Variants in FAM107A observed in about 807,000 individuals in gnomAD.
FAM107A encodes family with sequence similarity 107 member A, also known as actin-associated protein FAM107A.
A neutral mutation model predicts 13.7 loss-of-function variants in FAM107A; 19 were observed. The ratio of observed to expected loss-of-function variants is 1.38; its 90% CI spans 0.97 to 2.03. The LOEUF is 2.03. FAM107A is among the 30% of genes most tolerant of loss of function. FAM107A has a pLI of 0.00. For synonymous variants in FAM107A, 82 were observed against 74.5 expected, an observed-to-expected ratio of 1.10 and a Z score of -0.52; for missense variants, 203 against 184.4, an observed-to-expected ratio of 1.10 and a Z score of -0.58.
Position 58,566,515 on chromosome 3 carries a change from C to A in FAM107A, c.*73G>T. Reference sequence around the variant, plus strand: ...ACGTCCCAGGGCCTGGGGCCCAGGGCTGCCAGGTACAGAAGGGCTGAAGGA... The same window carrying A: ...ACGTCCCAGGGCCTGGGGCCCAGGGATGCCAGGTACAGAAGGGCTGAAGGA... On this transcript the variant is annotated 3_prime_UTR_variant, in exon 4 of 4. Transcript: ENST00000360997. The A allele has an allele frequency of 9.5e-7, 1 of 1,052,330 alleles. No individual in the cohort carries two copies. Among genetic ancestry groups the A allele is most frequent in the East Asian group, 2.4e-5 (1 of 42,286 alleles). 65.2% of individuals were successfully genotyped at this position (1,052,330 alleles called of 1,614,324 possible).
chr3:58,596,367 G>A (rs2065707361), intron 1 of FAM107A, among the ~76,000 whole-genome samples: 1 of 152,150 alleles, frequency 6.6e-6, no homozygotes, highest in Admixed American at 6.5e-5. Flanking sequence ...TGCTTTATTT[G>A]TTTTTAAACA....
intron 2 of FAM107A, among the ~76,000 whole-genome samples, chr3:58,568,196 A>G (rs1408543262): frequency 6.6e-6 from 1 of 152,040 alleles, no homozygotes; most frequent in Non-Finnish European, 1.5e-5. Context: ...GCACTTTGGG[A>G]GGCCGAGGAG....
intron 1 of FAM107A, among the ~76,000 whole-genome samples, chr3:58,623,756 ACCTCTCCAC>A (rs2065981477): frequency 6.6e-6 from 1 of 152,066 alleles, no homozygotes; most frequent in African/African-American, 2.4e-5. Flanking sequence ...CTCTTGCTTA[ACCTCTCCAC>A]GTCTCTGGAT....
At position 58,599,696 on chromosome 3, in the gene FAM107A, A is replaced by ATTTTTTTTT. The variant is rs57244654; in HGVS notation, c.-69-10436_-69-10428dup. Among the ~76,000 whole-genome samples the ATTTTTTTTT allele has an allele frequency of 5.5e-3, 428 of 78,510 alleles. 92 individuals are homozygous for ATTTTTTTTT. Among genetic ancestry groups the ATTTTTTTTT allele is most frequent in the Non-Finnish European group, 8.6e-3 (321 of 37,374 alleles). The allele number at this position is 78,510 out of a possible 152,430, so 51.5% of individuals were successfully genotyped here. ...GTGGTATACTTAAAACAAGTGCACC[A>ATTTTTTTTT]TTTTTTTTTTTTTTTTTTTTTTTTT... is the stretch of plus-strand genomic sequence containing the variant. On this transcript the variant is annotated intron_variant, in intron 1 of 3. Coordinates refer to the FAM107A transcript ENST00000465970.
At position 58,616,379 on chromosome 3, in the gene FAM107A, C is replaced by G. The variant is rs536571977; in HGVS notation, c.-70+11037G>C. On this transcript the variant is annotated intron_variant, in intron 1 of 3. Transcript: ENST00000465970. Reference sequence around the variant, plus strand: ...TATTGTTGTGGGTTGAATTGTATCCCCCAAAAGGAATGTTGAGGTCCTAGC... The same window carrying G: ...TATTGTTGTGGGTTGAATTGTATCCGCCAAAAGGAATGTTGAGGTCCTAGC... Among the ~76,000 whole-genome samples, 8 of 151,970 alleles carry G rather than the reference C, an allele frequency of 5.3e-5. No individual in the cohort carries two copies. The South Asian group carries it at 1.7e-3, about 32-fold the overall frequency.
At position 58,566,647 on chromosome 3, in the gene FAM107A, T is replaced by A; in HGVS notation, c.376A>T (p.Lys126Ter). 6.2e-7 allele frequency: 1 copy of A among 1,614,064 alleles called. No homozygotes were observed. Among genetic ancestry groups the A allele is most frequent in the Non-Finnish European group, 8.5e-7 (1 of 1,179,970 alleles). ...KEEDHAPEFIKVRENLRRIAT... is the reference protein window; with the variant it reads ...KEEDHAPEFI ...ATTCTCCGCAGGTTTTCCCTGACTT[T>A]AATAAACTCGGGGGCGTGATCCTCT... Residue 126 changes from lysine (K) to a stop codon, truncating the protein, a stop_gained, in exon 4 of 4, where the codon AAA becomes TAA. Transcript: ENST00000360997. LOFTEE classifies it high-confidence loss of function.
Position 58,566,717 on chromosome 3 carries a change from A to G in FAM107A, c.328-22T>C, listed in dbSNP as rs777274844. 4 of 1,575,198 alleles carry G rather than the reference A, an allele frequency of 2.5e-6. No individual in the cohort carries two copies. In the South Asian group the frequency reaches 4.4e-5, roughly 17 times the overall value. ...CCAGCTGAAGGAGGGAGAAGCAGAG[A>G]GTGAAGTGGGTGGAGCTAGGGGGAT... On this transcript the variant is annotated intron_variant, in intron 3 of 3. Coordinates refer to ENST00000360997, the MANE Select transcript of FAM107A (RefSeq NM_001076778.3).
chr3:58,598,550 T>C (rs1348272976), intron 1 of FAM107A, among the ~76,000 whole-genome samples: 1 of 152,242 alleles, frequency 6.6e-6, no homozygotes, highest in Admixed American at 6.5e-5. Flanking sequence ...CTGGACTTGG[T>C]GCATGGGTTG....
At position 58,569,636 on chromosome 3, in the gene FAM107A, A is replaced by G; in HGVS notation, c.170+55T>C. ...GCTTTCCTCCAGGGTCACCTTCCCCATCCCCCACAGGCCCAGGTGCTTGCG... is the reference window on the plus strand; with the variant it reads ...GCTTTCCTCCAGGGTCACCTTCCCCGTCCCCCACAGGCCCAGGTGCTTGCG... On this transcript the variant is annotated intron_variant, in intron 2 of 3. Transcript: ENST00000360997. This position sits in a 1 kb window ranked among gnomAD's most constrained non-coding sequence, Gnocchi z 5.7. 1 of 1,460,924 alleles carries G rather than the reference A, an allele frequency of 6.8e-7. No homozygotes were observed. Among genetic ancestry groups the G allele is most frequent in the African/African-American group, 1.4e-5 (1 of 70,594 alleles). 90.5% of individuals were successfully genotyped at this position (1,460,924 alleles called of 1,614,324 possible).
chr3:58,581,766 G>T (rs1018017250), upstream of FAM107A, among the ~76,000 whole-genome samples: 1 of 152,202 alleles, frequency 6.6e-6, no homozygotes, highest in African/African-American at 2.4e-5. Context: ...CCAGTTGAGG[G>T]ATTTCAAGCG....
intron 1 of FAM107A, among the ~76,000 whole-genome samples, chr3:58,582,893 G>A (rs1043558563): frequency 7.9e-5 from 12 of 152,162 alleles, no homozygotes; most frequent in African/African-American, 2.9e-4. Flanking sequence ...CTGCCTCCCG[G>A]GTTCAAGTGA....
At chr3:58,602,479 T>A (rs1355154304) in intron 1 of FAM107A, among the ~76,000 whole-genome samples, 3 of 152,186 alleles carry the variant, frequency 2.0e-5, no homozygotes, top group Non-Finnish European at 4.4e-5. Flanking sequence ...ATTGAACACA[T>A]TTCACAAAGA....
chr3:58,601,673 C>G (rs1425594925), intron 1 of FAM107A, among the ~76,000 whole-genome samples: 1 of 152,180 alleles, frequency 6.6e-6, no homozygotes, highest in Non-Finnish European at 1.5e-5. Flanking sequence ...ATTGGGATTT[C>G]TAGGTCAATG....
At chr3:58,600,272 C>A (rs994397025) in intron 1 of FAM107A, among the ~76,000 whole-genome samples, 5 of 152,054 alleles carry the variant, frequency 3.3e-5, no homozygotes, top group African/African-American at 1.2e-4. Flanking sequence ...TACTGTTTAC[C>A]CCATTTTACA....
chr3:58,593,524 G>A lies in FAM107A; in HGVS notation c.-69-4255C>T, dbSNP rs185064440. Among the ~76,000 whole-genome samples, 18 of 152,072 alleles carry A rather than the reference G, an allele frequency of 1.2e-4. No individual in the cohort carries two copies. In the East Asian group the frequency reaches 2.3e-3, roughly 20 times the overall value. On this transcript the variant is annotated intron_variant, in intron 1 of 3. Coordinates refer to the FAM107A transcript ENST00000465970. The stretch of plus-strand genomic sequence containing the variant: ...ACCACCCTTAAGTCTCTCTTGAAGC[G>A]GATAGAAGATCTTCAGTGGCAAGGT...
intron 1 of FAM107A, among the ~76,000 whole-genome samples, chr3:58,576,412 G>A (rs1278488377): frequency 6.6e-6 from 1 of 152,228 alleles, no homozygotes; most frequent in East Asian, 1.9e-4. Context: ...ACAAGCATCA[G>A]CAGACCTGGA....
intron 1 of FAM107A, among the ~76,000 whole-genome samples, chr3:58,626,731 G>C (rs2066021522): frequency 6.6e-6 from 1 of 152,212 alleles, no homozygotes; most frequent in Non-Finnish European, 1.5e-5. Flanking sequence ...GTTAAGACCA[G>C]GGAGCCAGAG....
chr3:58,569,641 C>T lies in FAM107A; in HGVS notation c.170+50G>A. On this transcript the variant is annotated intron_variant, in intron 2 of 3. Coordinates refer to ENST00000360997, the MANE Select transcript of FAM107A (RefSeq NM_001076778.3). This position sits in a 1 kb window ranked among gnomAD's most constrained non-coding sequence, Gnocchi z 5.7. Reference sequence around the variant, plus strand: ...CCTCCAGGGTCACCTTCCCCATCCCCCACAGGCCCAGGTGCTTGCGGGGCC... The same window carrying T: ...CCTCCAGGGTCACCTTCCCCATCCCTCACAGGCCCAGGTGCTTGCGGGGCC... The T allele has an allele frequency of 6.6e-7, 1 of 1,505,546 alleles. No homozygotes were observed. Among genetic ancestry groups the T allele is most frequent in the Non-Finnish European group, 9.0e-7 (1 of 1,108,280 alleles). 93.3% of individuals were successfully genotyped at this position (1,505,546 alleles called of 1,614,324 possible).
At chr3:58,580,950 T>A (rs144327229), upstream of FAM107A, among the ~76,000 whole-genome samples, 151 of 152,312 alleles carry the variant, frequency 9.9e-4, no homozygotes, top group African/African-American at 3.1e-3. Context: ...TAGTTAGGAA[T>A]CACATCTGGC....
Sources: allele counts gnomAD v4.1 joint callset (sites outside exome capture counted in the v4.1 genomes callset), GRCh38; gene constraint gnomAD v4.1.1; non-coding constraint Gnocchi (gnomAD v3.1); transcripts MANE v1.5; gene names NCBI Gene and HGNC (gene_info 2026-07-23, HGNC 2026-07-21).